Variants in NAALADL2 observed in about 807,000 individuals in gnomAD.
NAALADL2 encodes N-acetylated alpha-linked acidic dipeptidase like 2.
Under a neutral mutation model 87.2 loss-of-function variants are expected in NAALADL2, and 76 were observed. The observed-to-expected ratio is 0.87, with a 90% CI of 0.72 to 1.05. The LOEUF (loss-of-function observed/expected upper bound fraction) is 1.05, where lower values mean the gene tolerates loss of function less well. Ranked by LOEUF, NAALADL2 falls within the 50% of genes least tolerant of loss-of-function variation. The pLI is 0.00. For synonymous variants in NAALADL2, 354 were observed against 331.0 expected (o/e 1.07, Z -0.75); for missense variants, 1,089 against 945.8 (o/e 1.15, Z -1.99).
intron 1 of NAALADL2, among the ~76,000 whole-genome samples, chr3:175,033,049 A>G (rs527623619): frequency 1.3e-5 from 2 of 152,052 alleles, no homozygotes; most frequent in African/African-American, 2.4e-5. Context: ...ATTGTTCAAT[A>G]TAATCATGCT....
chr3:175,508,197 G>A (rs1560674634), intron 9 of NAALADL2, among the ~76,000 whole-genome samples: 1 of 152,176 alleles, frequency 6.6e-6, no homozygotes, highest in African/African-American at 2.4e-5. Flanking sequence ...CATTCATGAG[G>A]GATCTGCCGC....
At chr3:175,279,550 A>T (rs1267675420) in intron 4 of NAALADL2, among the ~76,000 whole-genome samples, 1 of 151,982 alleles carries the variant, frequency 6.6e-6, no homozygotes, top group African/African-American at 2.4e-5. Context: ...CTTGAATTTT[A>T]TTCTAGGCAT....
chr3:174,792,639 G>T (rs1717606432), intron 3 of NAALADL2, among the ~76,000 whole-genome samples: 1 of 152,146 alleles, frequency 6.6e-6, no homozygotes, highest in South Asian at 2.1e-4. Context: ...TTTATCCAGT[G>T]TGGTGGAGAC....
chr3:174,528,122 A>G (rs1720929833), intron 1 of NAALADL2, among the ~76,000 whole-genome samples: 1 of 152,306 alleles, frequency 6.6e-6, no homozygotes, highest in Admixed American at 6.5e-5. Context: ...TTGTGAATCT[A>G]AATTCACACA....
At position 174,890,633 on chromosome 3, in the gene NAALADL2, C is replaced by A. The variant is rs558956956; in HGVS notation, c.43+31183C>A. On this transcript the variant is annotated intron_variant, in intron 1 of 13. Coordinates refer to ENST00000454872, the MANE Select transcript of NAALADL2 (RefSeq NM_207015.3). ...TACAAATTGCCCAGTGTGGCAAAAACTAACTTGCCTGAGAAGGATTAGCTA... is the reference window on the plus strand; with the variant it reads ...TACAAATTGCCCAGTGTGGCAAAAAATAACTTGCCTGAGAAGGATTAGCTA... Among the ~76,000 whole-genome samples, 18 of 152,256 alleles carry A rather than the reference C, an allele frequency of 1.2e-4. No homozygotes were observed. The South Asian group carries it at 3.7e-3, about 32-fold the overall frequency.
intron 2 of NAALADL2, among the ~76,000 whole-genome samples, chr3:174,676,444 A>G (rs1161633637): frequency 1.3e-5 from 2 of 151,986 alleles, no homozygotes; most frequent in East Asian, 1.9e-4. Context: ...TCAAGTGTCT[A>G]TTCAATGTAT....
At chr3:174,473,189 C>CT (rs754451032) in intron 1 of NAALADL2, among the ~76,000 whole-genome samples, 1 of 152,108 alleles carries the variant, frequency 6.6e-6, no homozygotes, top group African/African-American at 2.4e-5. Context: ...TTAGTTATCT[C>CT]TTTTTTATCC....
chr3:174,518,495 A>G (rs1720068745), intron 1 of NAALADL2, among the ~76,000 whole-genome samples: 1 of 152,184 alleles, frequency 6.6e-6, no homozygotes, highest in Admixed American at 6.6e-5. Context: ...CAAGTCCATT[A>G]TCACATTTGA....
intron 6 of NAALADL2, among the ~76,000 whole-genome samples, chr3:175,457,031 A>C (rs969879658): frequency 6.6e-6 from 1 of 152,012 alleles, no homozygotes; most frequent in Non-Finnish European, 1.5e-5. Context: ...ACAGAGTGAG[A>C]CTATGTTTTT....
At chr3:175,114,472 T>A (rs1394564265) in intron 2 of NAALADL2, among the ~76,000 whole-genome samples, 1 of 151,714 alleles carries the variant, frequency 6.6e-6, no homozygotes, top group Non-Finnish European at 1.5e-5. Flanking sequence ...AACCCTATTA[T>A]ATCTTTTATT....
At chr3:174,542,694 T>C (rs1722353081) in intron 1 of NAALADL2, among the ~76,000 whole-genome samples, 1 of 152,128 alleles carries the variant, frequency 6.6e-6, no homozygotes, top group Non-Finnish European at 1.5e-5. Flanking sequence ...AGGTAGCTTG[T>C]CAACATACAG....
intron 2 of NAALADL2, among the ~76,000 whole-genome samples, chr3:175,209,134 G>T (rs1013825425): frequency 1.3e-5 from 2 of 151,968 alleles, no homozygotes; most frequent in African/African-American, 4.8e-5. Flanking sequence ...GGTGTAGTAG[G>T]GAAAAGAACG....
chr3:174,573,048 C>T (rs1715114004), intron 2 of NAALADL2, among the ~76,000 whole-genome samples: 2 of 152,116 alleles, frequency 1.3e-5, no homozygotes, highest in South Asian at 2.1e-4. Context: ...ACTCTCTTAA[C>T]CAACAGCTCA....
At chr3:175,646,094 G>A (rs566279504) in intron 11 of NAALADL2, among the ~76,000 whole-genome samples, 31 of 152,042 alleles carry the variant, frequency 2.0e-4, no homozygotes, top group East Asian at 1.2e-3. Context: ...AATTATAAAC[G>A]GAAATATAAA....
intron 1 of NAALADL2, among the ~76,000 whole-genome samples, chr3:174,955,941 C>T (rs753198937): frequency 3.9e-5 from 6 of 152,078 alleles, no homozygotes; most frequent in African/African-American, 1.2e-4. Context: ...CCAGTTATTC[C>T]GGGTGTTGGT....
intron 2 of NAALADL2, among the ~76,000 whole-genome samples, chr3:175,174,900 A>G (rs1735485135): frequency 6.6e-6 from 1 of 152,008 alleles, no homozygotes. Flanking sequence ...AGAGAACTAC[A>G]TTTAATATTT....
intron 10 of NAALADL2, among the ~76,000 whole-genome samples, chr3:175,590,288 GA>G (rs774410197): frequency 4.1e-5 from 6 of 145,068 alleles, no homozygotes; most frequent in African/African-American, 1.5e-4. Flanking sequence ...TGTTTCAATT[GA>G]TTTTTTTTGT....
At chr3:175,129,549 A>G (rs896545572) in intron 2 of NAALADL2, among the ~76,000 whole-genome samples, 1 of 152,168 alleles carries the variant, frequency 6.6e-6, no homozygotes, top group Admixed American at 6.5e-5. Context: ...GAGTCTGCAT[A>G]AAAGTGTAAA....
intron 2 of NAALADL2, among the ~76,000 whole-genome samples, chr3:174,715,971 T>A (rs1308774682): frequency 6.6e-6 from 1 of 152,158 alleles, no homozygotes; most frequent in African/African-American, 2.4e-5. Context: ...TTTCCTTTGA[T>A]TGCTAAAATG....
Sources: allele counts gnomAD v4.1 joint callset (sites outside exome capture counted in the v4.1 genomes callset), GRCh38; gene constraint gnomAD v4.1.1; transcripts MANE v1.5; gene names NCBI Gene and HGNC (gene_info 2026-07-23, HGNC 2026-07-21).